LRMDA: variants seen among roughly 807,000 people sequenced by gnomAD.
LRMDA encodes leucine rich melanocyte differentiation associated, also known as leucine-rich melanocyte differentiation-associated protein.
In LRMDA, 18 loss-of-function variants were observed where a neutral mutation model predicts 29.8. The ratio of observed to expected loss-of-function variants is 0.60; its 90% CI spans 0.42 to 0.90. The LOEUF (loss-of-function observed/expected upper bound fraction) is 0.90. LRMDA is among the 40% of genes least tolerant of loss of function. The pLI is 0.00. For missense variants in LRMDA, 273 were observed against 273.9 expected (o/e 1.00, Z 0.02); for synonymous variants, 125 against 109.4 (o/e 1.14, Z -0.89).
chr10:76,544,685 C>T (rs917841142), intron 6 of LRMDA, among the ~76,000 whole-genome samples: 2 of 150,500 alleles, frequency 1.3e-5, no homozygotes, highest in Non-Finnish European at 2.9e-5. Flanking sequence ...CATATACATA[C>T]ACATATACAT....
At chr10:75,902,204 G>A (rs191213457) in intron 2 of LRMDA, among the ~76,000 whole-genome samples, 327 of 152,304 alleles carry the variant, frequency 2.1e-3, no homozygotes, top group African/African-American at 7.2e-3. Flanking sequence ...GTGCATGCCC[G>A]TGGCACCATG....
At chr10:76,484,403 A>G (rs1842762104) in intron 6 of LRMDA, among the ~76,000 whole-genome samples, 1 of 151,998 alleles carries the variant, frequency 6.6e-6, no homozygotes, top group Non-Finnish European at 1.5e-5. Flanking sequence ...AGGGGAAGAA[A>G]TGACATCTTT....
chr10:76,223,640 G>T (rs1307404305), intron 5 of LRMDA, among the ~76,000 whole-genome samples: 1 of 151,236 alleles, frequency 6.6e-6, no homozygotes, highest in Non-Finnish European at 1.5e-5. Context: ...CTCTCTTTTG[G>T]CCCTGTGAGG....
intron 2 of LRMDA, among the ~76,000 whole-genome samples, chr10:75,666,856 C>A (rs1841828914): frequency 6.6e-6 from 1 of 152,168 alleles, no homozygotes; most frequent in Middle Eastern, 3.4e-3. Context: ...ATAATTAGGA[C>A]CTAAGCTTAA....
chr10:76,147,424 T>G (rs1203317416), intron 5 of LRMDA, among the ~76,000 whole-genome samples: 2 of 152,196 alleles, frequency 1.3e-5, no homozygotes, highest in Non-Finnish European at 2.9e-5. Flanking sequence ...TCTCGCTTCA[T>G]TTCATTCATT....
intron 5 of LRMDA, among the ~76,000 whole-genome samples, chr10:76,230,228 T>C (rs1366386140): frequency 6.6e-6 from 1 of 152,210 alleles, no homozygotes; most frequent in Non-Finnish European, 1.5e-5. Context: ...TAAATGTTTC[T>C]TATTAATTCA....
intron 5 of LRMDA, among the ~76,000 whole-genome samples, chr10:76,322,725 A>T (rs1056776449): frequency 1.3e-5 from 2 of 152,208 alleles, no homozygotes; most frequent in African/African-American, 2.4e-5. Flanking sequence ...ACTAAAACTC[A>T]TGTTGGATTT....
chr10:76,169,921 G>A (rs141250845), intron 5 of LRMDA, among the ~76,000 whole-genome samples: 101 of 152,256 alleles, frequency 6.6e-4, no homozygotes, highest in African/African-American at 2.4e-3. Context: ...ACCTCTCAGA[G>A]GTTTATCCTC....
intron 5 of LRMDA, among the ~76,000 whole-genome samples, chr10:76,184,236 G>A (rs561542149): frequency 6.6e-6 from 1 of 151,558 alleles, no homozygotes; most frequent in African/African-American, 2.4e-5. Flanking sequence ...TCACCGTGTT[G>A]GCCAGGCTGG....
rs555868669 is a variant in LRMDA, at chr10:75,920,093, G to T, written c.132-115915G>T. ...CAATGCTTGATTCTCCTGGGGGTTG[G>T]GTTTAGGGCCCTCCCTATGTTCCCA... On this transcript the variant is annotated intron_variant, in intron 2 of 6. Coordinates refer to ENST00000611255, the MANE Select transcript of LRMDA (RefSeq NM_001305581.2). Among the ~76,000 whole-genome samples the T allele has an allele frequency of 2.0e-5, 3 of 152,136 alleles. No individual in the cohort carries two copies. In the South Asian group the frequency reaches 6.2e-4, roughly 32 times the overall value.
intron 6 of LRMDA, among the ~76,000 whole-genome samples, chr10:76,384,033 C>A (rs1400987026): frequency 1.3e-5 from 2 of 152,030 alleles, no homozygotes; most frequent in Admixed American, 1.3e-4. Flanking sequence ...CATCCCACTT[C>A]TACCTCTATG....
At position 75,960,146 on chromosome 10, in the gene LRMDA, A is replaced by G. The variant is rs188265348; in HGVS notation, c.132-75862A>G. ...TCTTTAGAACTCCAGTTTCTGTTTC[A>G]TAATCTTAGCTATGTGAGTGGCTAT... On this transcript the variant is annotated intron_variant, in intron 2 of 6. Transcript: ENST00000611255. Among the ~76,000 whole-genome samples the G allele has an allele frequency of 5.3e-3, 808 of 152,278 alleles. 4 individuals are homozygous for G. The highest frequency in any genetic ancestry group is 9.4e-3 in the Non-Finnish European group (641 of 68,030).
chr10:75,615,575 C>T (rs1841088554), intron 2 of LRMDA, among the ~76,000 whole-genome samples: 1 of 152,168 alleles, frequency 6.6e-6, no homozygotes, highest in Non-Finnish European at 1.5e-5. Context: ...TAATTACTCC[C>T]AGATATGAGC....
At chr10:76,078,170 C>T (rs559795692) in intron 5 of LRMDA, among the ~76,000 whole-genome samples, 6 of 151,422 alleles carry the variant, frequency 4.0e-5, no homozygotes, top group Non-Finnish European at 7.4e-5. Context: ...ACCACGAGTC[C>T]GGCTAATTTT....
chr10:76,158,026 C>T (rs771224392), intron 5 of LRMDA, among the ~76,000 whole-genome samples: 22 of 151,988 alleles, frequency 1.4e-4, no homozygotes, highest in Non-Finnish European at 3.1e-4. Context: ...CCTATGGGAC[C>T]ACCATCTTAT....
intron 5 of LRMDA, among the ~76,000 whole-genome samples, chr10:76,142,850 C>T (rs949032797): frequency 1.3e-5 from 2 of 151,450 alleles, no homozygotes; most frequent in Non-Finnish European, 2.9e-5. Flanking sequence ...CCTCCCCCTA[C>T]CCAACAACAG....
chr10:75,946,662 A>C (rs1256306141), intron 2 of LRMDA, among the ~76,000 whole-genome samples: 1 of 152,170 alleles, frequency 6.6e-6, no homozygotes, highest in Non-Finnish European at 1.5e-5. Context: ...TGGAAACAGT[A>C]AATATTTGGG....
At chr10:75,890,666 T>C (rs2132353271) in intron 2 of LRMDA, among the ~76,000 whole-genome samples, 1 of 152,302 alleles carries the variant, frequency 6.6e-6, no homozygotes, top group South Asian at 2.1e-4. Context: ...CTTTACAAAA[T>C]GCAACAAGAT....
chr10:76,331,353 G>A (rs965375401), intron 6 of LRMDA, among the ~76,000 whole-genome samples: 2 of 152,152 alleles, frequency 1.3e-5, no homozygotes, highest in Admixed American at 1.3e-4. Context: ...CTCACCTAAG[G>A]TCAGGCCCTA....
Sources: allele counts gnomAD v4.1 joint callset (sites outside exome capture counted in the v4.1 genomes callset), GRCh38; gene constraint gnomAD v4.1.1; transcripts MANE v1.5; gene names NCBI Gene and HGNC (gene_info 2026-07-23, HGNC 2026-07-21).